Variants in DGKI observed in about 807,000 individuals in gnomAD.
DGKI encodes DAG kinase iota.
Under a neutral mutation model 147.5 loss-of-function variants are expected in DGKI, and 55 were observed. That is an observed-to-expected ratio of 0.37 (90% CI 0.30 to 0.47). The LOEUF is 0.47. DGKI is among the 20% of genes least tolerant of loss of function. The pLI is 1.00. For missense variants in DGKI, 1,007 were observed against 1,323.8 expected (o/e 0.76, Z 3.71); for synonymous variants, 469 against 477.1 (o/e 0.98, Z 0.22).
chr7:137,659,416 T>A (rs1822339422), intron 3 of DGKI, among the ~76,000 whole-genome samples: 1 of 152,208 alleles, frequency 6.6e-6, no homozygotes, highest in African/African-American at 2.4e-5. Context: ...AGTAGTTGGA[T>A]AATAAGCTTC....
intron 21 of DGKI, among the ~76,000 whole-genome samples, chr7:137,489,796 A>C (rs751480734): frequency 1.7e-4 from 26 of 152,300 alleles, no homozygotes; most frequent in Non-Finnish European, 3.1e-4. Context: ...CATTTACTTA[A>C]GTTAGGAGAT....
At position 137,480,244 on chromosome 7, in the gene DGKI, G is replaced by T. The variant is rs2128933380; in HGVS notation, c.2373+5130C>A. Among the ~76,000 whole-genome samples the T allele has an allele frequency of 2.6e-5, 4 of 152,180 alleles. No individual in the cohort carries two copies. In the South Asian group the frequency reaches 8.3e-4, roughly 32 times the overall value. On this transcript the variant is annotated intron_variant, in intron 23 of 32. Transcript: ENST00000614521. ...AGCTTTAATCTAGTCCAAAGGAATG[G>T]CATTCTCCAAAGTTTCTAGCTGGTA...
chr7:137,635,591 C>T (rs1301305607), intron 6 of DGKI, among the ~76,000 whole-genome samples: 2 of 152,162 alleles, frequency 1.3e-5, no homozygotes, highest in Non-Finnish European at 2.9e-5. Context: ...CAGAAGCGGC[C>T]ATGTGACCAT....
intron 2 of DGKI, among the ~76,000 whole-genome samples, chr7:137,682,805 C>G (rs1391803864): frequency 6.6e-6 from 1 of 152,090 alleles, no homozygotes; most frequent in African/African-American, 2.4e-5. Flanking sequence ...TTTTGTCTTA[C>G]TGGTCAATTG....
chr7:137,512,778 A>G (rs1816621349), intron 21 of DGKI, among the ~76,000 whole-genome samples: 2 of 152,152 alleles, frequency 1.3e-5, no homozygotes, highest in African/African-American at 4.8e-5. Flanking sequence ...ACAGCACCAG[A>G]GCATATTTTA....
chr7:137,751,042 A>T (rs1441309933), intron 1 of DGKI, among the ~76,000 whole-genome samples: 1 of 152,178 alleles, frequency 6.6e-6, no homozygotes, highest in Non-Finnish European at 1.5e-5. Context: ...TTCTAGGCTA[A>T]TTTTGGTTTC....
intron 21 of DGKI, among the ~76,000 whole-genome samples, chr7:137,521,019 T>C (rs956706227): frequency 6.6e-6 from 1 of 152,084 alleles, no homozygotes; most frequent in Non-Finnish European, 1.5e-5. Context: ...ATCAGCATCA[T>C]TGCCTATTCC....
At chr7:137,396,864 T>C (rs1255393408) in intron 31 of DGKI, among the ~76,000 whole-genome samples, 5 of 152,242 alleles carry the variant, frequency 3.3e-5, no homozygotes, top group East Asian at 1.9e-4. Flanking sequence ...ACTTTTTCAA[T>C]CAGGATCCCT....
intron 1 of DGKI, among the ~76,000 whole-genome samples, chr7:137,822,346 G>T (rs1318372025): frequency 6.6e-6 from 1 of 152,144 alleles, no homozygotes; most frequent in African/African-American, 2.4e-5. Context: ...GGTGAAGGTT[G>T]CAGTGAGCCG....
chr7:137,647,059 C>T (rs1458580761), intron 5 of DGKI, among the ~76,000 whole-genome samples: 2 of 152,198 alleles, frequency 1.3e-5, no homozygotes, highest in Non-Finnish European at 2.9e-5. Context: ...CCTACTACCA[C>T]AGTTTAATAA....
intron 20 of DGKI, among the ~76,000 whole-genome samples, chr7:137,537,707 G>A (rs370904206): frequency 6.6e-6 from 1 of 152,158 alleles, no homozygotes; most frequent in East Asian, 1.9e-4. Context: ...ACTGGCCCAT[G>A]AGTGCGATTC....
chr7:137,754,686 G>A (rs1795625492), intron 1 of DGKI, among the ~76,000 whole-genome samples: 1 of 152,188 alleles, frequency 6.6e-6, no homozygotes, highest in African/African-American at 2.4e-5. Context: ...GTAGACGTGT[G>A]CCTACTATAA....
rs1269458083 is a variant in DGKI at position 137,451,784 on chromosome 7, T to C, written c.2736-7682A>G. ...ATCAAAACTTACAAGCTGATCCTAA[T>C]ACAATATCCTTTTCATTTCAATAAC... On this transcript the variant is annotated intron_variant, in intron 27 of 32. Coordinates refer to ENST00000614521, the MANE Select transcript of DGKI (RefSeq NM_001321708.2). Among the ~76,000 whole-genome samples, 3 of 152,348 alleles carry C rather than the reference T, an allele frequency of 2.0e-5. No individual in the cohort carries two copies. In the East Asian group the frequency reaches 5.8e-4, roughly 29 times the overall value.
intron 1 of DGKI, among the ~76,000 whole-genome samples, chr7:137,698,260 A>G (rs1157433555): frequency 1.3e-5 from 2 of 152,114 alleles, no homozygotes; most frequent in Non-Finnish European, 2.9e-5. Flanking sequence ...TTTCTTGGGT[A>G]CCCAGTATGC....
intron 19 of DGKI, among the ~76,000 whole-genome samples, chr7:137,559,226 T>C (rs563944204): frequency 0.011 from 1,638 of 150,046 alleles, 24 homozygotes; most frequent in Non-Finnish European, 0.019. Flanking sequence ...CGCCCGCCAC[T>C]ACGCCCGGCT....
intron 1 of DGKI, among the ~76,000 whole-genome samples, chr7:137,690,659 G>C (rs1334367048): frequency 1.3e-5 from 2 of 152,162 alleles, no homozygotes; most frequent in Non-Finnish European, 2.9e-5. Context: ...TAGATTTGTT[G>C]AGTGGAACAT....
chr7:137,550,437 A>G (rs1818008157), intron 20 of DGKI, among the ~76,000 whole-genome samples: 1 of 152,134 alleles, frequency 6.6e-6, no homozygotes, highest in Admixed American at 6.6e-5. Context: ...TGGCCTCCCA[A>G]AGTGCTGGGA....
At chr7:137,531,884 A>G (rs1162233704) in intron 20 of DGKI, among the ~76,000 whole-genome samples, 1 of 152,226 alleles carries the variant, frequency 6.6e-6, no homozygotes, top group Non-Finnish European at 1.5e-5. Context: ...AACTACTGGT[A>G]TAGTTGCTAA....
chr7:137,632,832 C>T (rs1221618002), intron 6 of DGKI, among the ~76,000 whole-genome samples: 1 of 151,942 alleles, frequency 6.6e-6, no homozygotes, highest in Non-Finnish European at 1.5e-5. Context: ...GAACTCCAGC[C>T]TGGGTGACAA....
Sources: allele counts gnomAD v4.1 joint callset (sites outside exome capture counted in the v4.1 genomes callset), GRCh38; gene constraint gnomAD v4.1.1; transcripts MANE v1.5; gene names NCBI Gene and HGNC (gene_info 2026-07-23, HGNC 2026-07-21).